The following DYRK1A variants were observed in gnomAD, a reference collection of about 807,000 sequenced individuals.
The protein encoded by DYRK1A is dual specificity tyrosine phosphorylation regulated kinase 1A, also known as dual specificity tyrosine-phosphorylation-regulated kinase 1A.
A neutral mutation model predicts 79.7 loss-of-function variants in DYRK1A; 9 were observed. The observed-to-expected ratio is 0.11, with a 90% confidence interval of 0.07 to 0.20. The LOEUF is 0.20. Among genes scored for constraint, DYRK1A ranks in the 10% least tolerant of loss-of-function variants. The pLI, the probability that DYRK1A is intolerant of heterozygous loss-of-function variation, is 1.00. For synonymous variants in DYRK1A, 349 were observed against 329.7 expected (o/e 1.06, Z -0.63); for missense variants, 622 against 956.0 (o/e 0.65, Z 4.61).
At chr21:37,499,337 C>G (rs1227289539) in intron 9 of DYRK1A, among the ~76,000 whole-genome samples, 1 of 152,182 alleles carries the variant, frequency 6.6e-6, no homozygotes, top group Non-Finnish European at 1.5e-5. Context: ...CTTCCATATG[C>G]TTACCTAGTA....
intron 2 of DYRK1A, among the ~76,000 whole-genome samples, chr21:37,467,357 G>T (rs1308974564): frequency 6.6e-6 from 1 of 152,166 alleles, no homozygotes; most frequent in Non-Finnish European, 1.5e-5. Context: ...AGCCTCCTGA[G>T]TAACTGGGAC....
intron 2 of DYRK1A, among the ~76,000 whole-genome samples, chr21:37,436,602 A>G (rs1244712456): frequency 6.6e-6 from 1 of 152,140 alleles, no homozygotes; most frequent in Non-Finnish European, 1.5e-5. Context: ...GTGAATTTAG[A>G]TGTTTGTATT....
At chr21:37,383,925 A>T (rs1009942794) in intron 1 of DYRK1A, among the ~76,000 whole-genome samples, 3 of 152,038 alleles carry the variant, frequency 2.0e-5, no homozygotes, top group East Asian at 1.9e-4. Context: ...GCTTTTGACT[A>T]TTCTGAATTT....
Position 37,512,565 on chromosome 21 carries a change from T to G in DYRK1A, c.*34T>G, listed in dbSNP as rs764995520. ...AAACTTGAGTTTGTTTCTTGTGTGT[T>G]TTTATAGAAGTGGTGTTTTTTTTCC... On this transcript the variant is annotated 3_prime_UTR_variant, in exon 12 of 12. Coordinates refer to ENST00000647188, the MANE Select transcript of DYRK1A (RefSeq NM_001347721.2). 2 of 1,593,098 alleles carry G rather than the reference T, an allele frequency of 1.3e-6. No individual in the cohort carries two copies. Among genetic ancestry groups the G allele is most frequent in the African/African-American group, 1.3e-5 (1 of 74,116 alleles).
intron 2 of DYRK1A, among the ~76,000 whole-genome samples, chr21:37,432,451 G>T (rs2050802476): frequency 1.3e-5 from 2 of 152,172 alleles, no homozygotes; most frequent in Non-Finnish European, 1.5e-5. Context: ...AAGATGTCCA[G>T]CAAAACTGTG....
At position 37,515,827 on chromosome 21, in the gene DYRK1A, G is replaced by A. The variant is rs1293579877; in HGVS notation, c.*3296G>A. The stretch of plus-strand genomic sequence containing the variant: ...ATTTTACCTAGGCACATGGATATTG[G>A]GCTGAAAAAAAAAAACCGACATTTT... On this transcript the variant is annotated 3_prime_UTR_variant, in exon 12 of 12. Coordinates refer to ENST00000647188, the MANE Select transcript of DYRK1A (RefSeq NM_001347721.2). 1.3e-5 allele frequency: 2 copies of A among 150,400 alleles called. No individual in the cohort carries two copies. The highest frequency in any genetic ancestry group is 3.0e-5 in the Non-Finnish European group (2 of 67,498). 9.3% of individuals were successfully genotyped at this position (150,400 alleles called of 1,614,324 possible). A position where few individuals can be genotyped will look rare whatever the true frequency, so the allele number is the denominator to read the frequency against.
intron 1 of DYRK1A, among the ~76,000 whole-genome samples, chr21:37,391,608 T>A (rs2049871472): frequency 6.6e-6 from 1 of 152,234 alleles, no homozygotes; most frequent in Admixed American, 6.5e-5. Flanking sequence ...CTTAACCCCT[T>A]GTTTACCTGC....
intron 1 of DYRK1A, chr21:37,410,459 T>G (rs1447605920): frequency 1.3e-5 from 2 of 152,222 alleles, no homozygotes; most frequent in African/African-American, 2.4e-5. Flanking sequence ...ATTTAGGATT[T>G]TATTCTCCTT....
chr21:37,514,780 A>G lies in DYRK1A; in HGVS notation c.*2249A>G, dbSNP rs1413538183. The G allele has an allele frequency of 5.9e-5, 9 of 152,690 alleles. No homozygotes were observed. The highest frequency in any genetic ancestry group is 1.3e-4 in the Admixed American group (2 of 15,292). The allele number at this position is 152,690 out of a possible 1,614,324, so 9.5% of individuals were successfully genotyped here. On this transcript the variant is annotated 3_prime_UTR_variant, in exon 12 of 12. Transcript: ENST00000647188. Reference sequence around the variant, plus strand: ...CTTGAGTATAGCAATATCAAAAGGAATTCAGTAGTTACTGCTGTTTAGGAA... The same window carrying G: ...CTTGAGTATAGCAATATCAAAAGGAGTTCAGTAGTTACTGCTGTTTAGGAA...
chr21:37,434,019 G>C (rs896248031), intron 2 of DYRK1A, among the ~76,000 whole-genome samples: 1 of 151,956 alleles, frequency 6.6e-6, no homozygotes, highest in Non-Finnish European at 1.5e-5. Flanking sequence ...GGACTTTAAC[G>C]GGTTCCAGAA....
intron 1 of DYRK1A, among the ~76,000 whole-genome samples, chr21:37,405,710 A>G (rs796321772): frequency 3.9e-5 from 6 of 152,238 alleles, no homozygotes; most frequent in African/African-American, 1.2e-4. Context: ...TCTTTTAGCA[A>G]TCTTTCCCTC....
chr21:37,474,727 T>A (rs2052340345), intron 3 of DYRK1A, among the ~76,000 whole-genome samples: 1 of 152,258 alleles, frequency 6.6e-6, no homozygotes, highest in South Asian at 2.1e-4. Context: ...TCATTGTTTC[T>A]TGTTAATCAT....
intron 1 of DYRK1A, among the ~76,000 whole-genome samples, chr21:37,405,532 G>A (rs976650229): frequency 6.6e-6 from 1 of 152,094 alleles, no homozygotes; most frequent in African/African-American, 2.4e-5. Context: ...TACTTTCTCA[G>A]GAGTTTTGAA....
At position 37,410,811 on chromosome 21, in the gene DYRK1A, G is replaced by A. The variant is rs968309894; in HGVS notation, c.-76-9488G>A. 2.6e-5 allele frequency: 4 copies of A among 152,252 alleles called. 1 individual carries two copies. In the East Asian group the frequency reaches 5.8e-4, roughly 22 times the overall value. The allele number at this position is 152,252 out of a possible 1,614,324, so 9.4% of individuals were successfully genotyped here. On this transcript the variant is annotated intron_variant, in intron 1 of 11. Coordinates refer to ENST00000647188, the MANE Select transcript of DYRK1A (RefSeq NM_001347721.2). Reference sequence around the variant, plus strand: ...GCCTGTAATCTCAGTACTCTGGGAGGTCACAGTGGGCAGATCACTTGAGGA... The same window carrying A: ...GCCTGTAATCTCAGTACTCTGGGAGATCACAGTGGGCAGATCACTTGAGGA...
intron 9 of DYRK1A, among the ~76,000 whole-genome samples, chr21:37,500,036 TG>T (rs374807722): frequency 6.6e-6 from 1 of 152,150 alleles, no homozygotes; most frequent in Non-Finnish European, 1.5e-5. Context: ...TCAGCATATT[TG>T]GGGGGGTCCT....
intron 1 of DYRK1A, among the ~76,000 whole-genome samples, chr21:37,402,621 T>C (rs1309858153): frequency 6.6e-6 from 1 of 152,226 alleles, no homozygotes; most frequent in Non-Finnish European, 1.5e-5. Flanking sequence ...TCTTCAGATA[T>C]TTATCCCTTT....
intron 11 of DYRK1A, among the ~76,000 whole-genome samples, chr21:37,509,473 G>T (rs1374663889): frequency 6.6e-6 from 1 of 152,078 alleles, no homozygotes; most frequent in Non-Finnish European, 1.5e-5. Flanking sequence ...TAGAGCTAGG[G>T]TCTTGCTCTT....
intron 1 of DYRK1A, among the ~76,000 whole-genome samples, chr21:37,372,408 C>T (rs2049450541): frequency 6.7e-6 from 1 of 150,356 alleles, no homozygotes. Context: ...GAGATTGTGT[C>T]ACTGCACTCC....
intron 2 of DYRK1A, among the ~76,000 whole-genome samples, chr21:37,429,259 TG>T (rs1454473070): frequency 6.6e-6 from 1 of 152,236 alleles, no homozygotes; most frequent in African/African-American, 2.4e-5. Flanking sequence ...TTGCTGTTTT[TG>T]TAACCTACTG....
Sources: allele counts gnomAD v4.1 joint callset (sites outside exome capture counted in the v4.1 genomes callset), GRCh38; gene constraint gnomAD v4.1.1; transcripts MANE v1.5; gene names NCBI Gene and HGNC (gene_info 2026-07-23, HGNC 2026-07-21).